GALNT14: variants seen among roughly 807,000 people sequenced by gnomAD.
The protein encoded by GALNT14 is UDP-GalNAc:polypeptide N-acetylgalactosaminyltransferase 14.
A neutral mutation model predicts 77.5 loss-of-function variants in GALNT14; 60 were observed. The ratio of observed to expected loss-of-function variants is 0.77; its 90% CI spans 0.63 to 0.96. GALNT14 has a LOEUF of 0.96. GALNT14 is among the 40% of genes least tolerant of loss of function. GALNT14 has a pLI of 0.00. For synonymous variants in GALNT14, 280 were observed against 281.7 expected, an observed-to-expected ratio of 0.99 and a Z score of 0.06; for missense variants, 710 against 731.0, an observed-to-expected ratio of 0.97 and a Z score of 0.33.
chr2:31,006,927 G>A (rs950058587), intron 1 of GALNT14, among the ~76,000 whole-genome samples: 2 of 152,194 alleles, frequency 1.3e-5, no homozygotes, highest in African/African-American at 4.8e-5. Flanking sequence ...TGTACAGCAA[G>A]GGCCCAGAGC....
intron 4 of GALNT14, 125 bp from the exon 5 acceptor site, chr2:30,956,102 G>C (rs944982596): frequency 9.1e-6 from 8 of 874,460 alleles, no homozygotes; most frequent in African/African-American, 3.3e-5. Context: ...CCTAACTGCA[G>C]AGTGCAGTCC....
chr2:31,097,912 C>T (rs188109929), intron 1 of GALNT14, among the ~76,000 whole-genome samples: 12 of 152,304 alleles, frequency 7.9e-5, no homozygotes, highest in Admixed American at 1.3e-4. Context: ...ACCTTCTACC[C>T]AGGCTGGAGT....
chr2:30,910,694 A>T lies in GALNT14; in HGVS notation c.*207T>A. ...ACTGGAACTTAACGGCCTTGAGAAC[A>T]TGTGGGATTTGTCTTTGAGCCCCAT... On this transcript the variant is annotated 3_prime_UTR_variant, in exon 15 of 15. Transcript: ENST00000349752. 1 of 535,486 alleles carries T rather than the reference A, an allele frequency of 1.9e-6. No homozygotes were observed. The highest frequency in any genetic ancestry group is 3.3e-6 in the Non-Finnish European group (1 of 304,930). The allele number at this position is 535,486 out of a possible 1,614,324, so 33.2% of individuals were successfully genotyped here.
chr2:30,982,404 A>C (rs1188126732), intron 2 of GALNT14, among the ~76,000 whole-genome samples: 1 of 152,204 alleles, frequency 6.6e-6, no homozygotes, highest in Non-Finnish European at 1.5e-5. Context: ...CCAAGCTGGA[A>C]AAACCCCAAA....
Position 30,924,217 on chromosome 2 carries a change from G to C in GALNT14, c.1282C>G (p.Gln428Glu). Residue 428 changes from glutamine (Q) to glutamate (E), a missense_variant, in exon 13 of 15, where the codon CAG (glutamine) becomes GAG (glutamate). Gln to Glu is a conservative substitution (Grantham distance 29, BLOSUM62 2). Coordinates refer to ENST00000349752, the MANE Select transcript of GALNT14 (RefSeq NM_024572.4). ...SIQKGNIRQRQKCLESQRQNN... is the reference protein window; with the variant it reads ...SIQKGNIRQREKCLESQRQNN... ...TGCCTTTGAGATTCCAGGCACTTCT[G>C]TCTCTGTCGGATATTGCCCTTCTGG... The C allele has an allele frequency of 3.1e-6, 5 of 1,614,186 alleles. No individual in the cohort carries two copies. Among genetic ancestry groups the C allele is most frequent in the Non-Finnish European group, 4.2e-6 (5 of 1,180,016 alleles).
At chr2:30,887,104 C>A in the GALNT14 span, among the ~76,000 whole-genome samples, 29,333 of 152,150 alleles carry the variant, frequency 0.19, 3,006 homozygotes, top group African/African-American at 0.24. Context: ...TATACACCAC[C>A]ATTTGTTTAT....
chr2:30,920,630 T>TACACACACAC (rs140659655), intron 13 of GALNT14, among the ~76,000 whole-genome samples: 45 of 145,194 alleles, frequency 3.1e-4, no homozygotes, highest in African/African-American at 9.1e-4. Flanking sequence ...GAGTGTATGC[T>TACACACACAC]ACACACACAC....
intron 1 of GALNT14, among the ~76,000 whole-genome samples, chr2:31,089,685 C>T (rs746072487): frequency 2.6e-5 from 4 of 152,066 alleles, no homozygotes; most frequent in Non-Finnish European, 4.4e-5. Context: ...TCTTTAATGC[C>T]ATTGCTTAGA....
At chr2:31,001,909 C>A (rs1437446268) in intron 1 of GALNT14, among the ~76,000 whole-genome samples, 1 of 152,018 alleles carries the variant, frequency 6.6e-6, no homozygotes, top group Non-Finnish European at 1.5e-5. Flanking sequence ...ATGGCTGGGT[C>A]GATTTGAAAA....
At chr2:31,047,102 G>A (rs1266901605) in intron 1 of GALNT14, among the ~76,000 whole-genome samples, 1 of 152,154 alleles carries the variant, frequency 6.6e-6, no homozygotes, top group Non-Finnish European at 1.5e-5. Context: ...GAAGAACACA[G>A]GTTGCCTAAC....
At chr2:31,084,129 C>A (rs374642114) in intron 1 of GALNT14, among the ~76,000 whole-genome samples, 2 of 152,294 alleles carry the variant, frequency 1.3e-5, no homozygotes, top group African/African-American at 4.8e-5. Context: ...GAACAAGCAT[C>A]GGGACTGGCC....
At chr2:31,131,176 G>C (rs1196127033) in intron 1 of GALNT14, among the ~76,000 whole-genome samples, 2 of 152,098 alleles carry the variant, frequency 1.3e-5, no homozygotes, top group Non-Finnish European at 2.9e-5. Context: ...AGGAAACTCG[G>C]GGAGTAAAAC....
Position 30,989,560 on chromosome 2 carries a change from TTA to T in GALNT14, c.299+3276_299+3277del, listed in dbSNP as rs57594110. ...ATTTACTATTAGGTAGGTAAATACC[TTA>T]TATATATATATATATATATAAAAAT... On this transcript the variant is annotated intron_variant, in intron 2 of 14. Coordinates refer to ENST00000349752, the MANE Select transcript of GALNT14 (RefSeq NM_024572.4). Among the ~76,000 whole-genome samples, 352 of 87,080 alleles carry T rather than the reference TTA, an allele frequency of 4.0e-3. 8 individuals carry two copies. Among genetic ancestry groups the T allele is most frequent in the East Asian group, 7.3e-3 (20 of 2,726 alleles). The allele number at this position is 87,080 out of a possible 152,430, so 57.1% of individuals were successfully genotyped here.
Position 31,125,649 on chromosome 2 carries a change from G to A in GALNT14, c.129+12309C>T, listed in dbSNP as rs1255347857. Among the ~76,000 whole-genome samples, 3 of 152,340 alleles carry A rather than the reference G, an allele frequency of 2.0e-5. No individual in the cohort carries two copies. The East Asian group carries it at 5.8e-4, about 29-fold the overall frequency. On this transcript the variant is annotated intron_variant, in intron 1 of 14. Coordinates refer to ENST00000349752, the MANE Select transcript of GALNT14 (RefSeq NM_024572.4). The stretch of plus-strand genomic sequence containing the variant: ...AAACGTAGAAAATATCATAAGTGCA[G>A]CTTATTTATGGTTAATAGCAGGTAT...
At chr2:31,097,500 C>T (rs937607813) in intron 1 of GALNT14, among the ~76,000 whole-genome samples, 3 of 146,024 alleles carry the variant, frequency 2.1e-5, no homozygotes, top group African/African-American at 5.2e-5. Flanking sequence ...CTGCAGTCAT[C>T]GAGCACCCAA....
intron 1 of GALNT14, among the ~76,000 whole-genome samples, chr2:31,048,778 C>T (rs900188241): frequency 1.3e-5 from 2 of 152,100 alleles, no homozygotes; most frequent in African/African-American, 4.8e-5. Flanking sequence ...GCTGTCATTG[C>T]CCTCTTCATT....
At chr2:31,108,633 C>G (rs549583978) in intron 1 of GALNT14, among the ~76,000 whole-genome samples, 2 of 152,224 alleles carry the variant, frequency 1.3e-5, no homozygotes, top group African/African-American at 4.8e-5. Context: ...AGGATAAAAA[C>G]AATCCTTTGA....
chr2:30,949,886 G>A (rs1666922289), intron 6 of GALNT14, among the ~76,000 whole-genome samples: 1 of 152,178 alleles, frequency 6.6e-6, no homozygotes, highest in Admixed American at 6.5e-5. Flanking sequence ...CTGGCCTGAA[G>A]GGAGGGGTGG....
intron 11 of GALNT14, among the ~76,000 whole-genome samples, chr2:30,928,486 T>G (rs1665522646): frequency 6.6e-6 from 1 of 152,184 alleles, no homozygotes; most frequent in Non-Finnish European, 1.5e-5. Context: ...GGCAAGAAGC[T>G]TAACCTGTAG....
Sources: allele counts gnomAD v4.1 joint callset (sites outside exome capture counted in the v4.1 genomes callset), GRCh38; gene constraint gnomAD v4.1.1; transcripts MANE v1.5; gene names NCBI Gene and HGNC (gene_info 2026-07-23, HGNC 2026-07-21).